FBXW7: variants seen among roughly 807,000 people sequenced by gnomAD.
FBXW7 encodes F-box/WD repeat-containing protein 7.
In FBXW7, 11 loss-of-function variants were observed where a neutral mutation model predicts 86.3. The observed-to-expected ratio is 0.13, with a 90% CI of 0.08 to 0.21. The LOEUF (loss-of-function observed/expected upper bound fraction) is 0.21. Ranked by LOEUF, FBXW7 falls within the 10% of genes least tolerant of loss-of-function variation. FBXW7 has a pLI of 1.00. For missense variants in FBXW7, 488 were observed against 847.4 expected, an observed-to-expected ratio of 0.58 and a Z score of 5.27; for synonymous variants, 313 against 297.9, an observed-to-expected ratio of 1.05 and a Z score of -0.52.
intron 4 of FBXW7, among the ~76,000 whole-genome samples, chr4:152,385,688 T>G (rs761188978): frequency 7.9e-5 from 12 of 151,524 alleles, no homozygotes; most frequent in Non-Finnish European, 1.6e-4. Context: ...AAATGTGGAG[T>G]TTTTTAGTGG....
At chr4:152,328,112 G>A in intron 11 of FBXW7, 96 bp downstream of exon 11, 2 of 944,276 alleles carry the variant, frequency 2.1e-6, no homozygotes, top group Non-Finnish European at 3.2e-6. Flanking sequence ...TAATTTAAGA[G>A]CACACTGTCA....
intron 2 of FBXW7, among the ~76,000 whole-genome samples, chr4:152,437,836 G>GT (rs1466999569): frequency 6.6e-6 from 1 of 152,132 alleles, no homozygotes; most frequent in Non-Finnish European, 1.5e-5. Flanking sequence ...TAAAATGATC[G>GT]TGACTCCCTG....
At chr4:152,377,789 C>T (rs571608146) in intron 4 of FBXW7, among the ~76,000 whole-genome samples, 33 of 148,796 alleles carry the variant, frequency 2.2e-4, no homozygotes, top group Non-Finnish European at 3.6e-4. Flanking sequence ...TGATTAGATA[C>T]GCAAAAATAA....
At chr4:152,424,210 G>A (rs956606303) in intron 2 of FBXW7, among the ~76,000 whole-genome samples, 2 of 152,040 alleles carry the variant, frequency 1.3e-5, no homozygotes, top group African/African-American at 4.8e-5. Flanking sequence ...TTCGGCAGTA[G>A]GGCCCAGTTT....
chr4:152,331,015 T>G, intron 8 of FBXW7, 147 bp from the exon 9 acceptor site: 9 of 680,276 alleles, frequency 1.3e-5, no homozygotes, highest in Non-Finnish European at 2.1e-5. Context: ...CCAATACTGT[T>G]ATCACAGTAT....
intron 2 of FBXW7, among the ~76,000 whole-genome samples, chr4:152,429,393 G>A (rs528585230): frequency 0.011 from 1,642 of 151,466 alleles, 17 homozygotes; most frequent in Non-Finnish European, 0.016. Flanking sequence ...CGGCGGGGGA[G>A]GAGAGGGGAG....
intron 8 of FBXW7, among the ~76,000 whole-genome samples, chr4:152,331,381 C>A (rs994686554): frequency 6.6e-5 from 10 of 151,984 alleles, no homozygotes; most frequent in Non-Finnish European, 1.2e-4. Flanking sequence ...GATACATATA[C>A]ACAATGGAAT....
chr4:152,486,699 C>T (rs1560957361), intron 2 of FBXW7, among the ~76,000 whole-genome samples: 2 of 148,552 alleles, frequency 1.3e-5, no homozygotes, highest in African/African-American at 4.9e-5. Context: ...TTGCAGTTAA[C>T]TTTTTTTTTT....
chr4:152,325,691 T>G (rs1238097352), intron 12 of FBXW7: 3 of 247,702 alleles, frequency 1.2e-5, no homozygotes, highest in Non-Finnish European at 2.4e-5. Flanking sequence ...AGGAGTTTCT[T>G]AAAATCCAGG....
intron 2 of FBXW7, among the ~76,000 whole-genome samples, chr4:152,525,993 C>T (rs961778940): frequency 5.9e-5 from 9 of 152,156 alleles, no homozygotes; most frequent in African/African-American, 1.9e-4. Context: ...TTATAGTAGC[C>T]ACTCTGAATA....
At chr4:152,437,702 A>G (rs547662390) in intron 2 of FBXW7, among the ~76,000 whole-genome samples, 4 of 152,218 alleles carry the variant, frequency 2.6e-5, no homozygotes, top group Non-Finnish European at 5.9e-5. Flanking sequence ...CGTTCATGAC[A>G]GGAAGAGTCA....
intron 2 of FBXW7, among the ~76,000 whole-genome samples, chr4:152,459,602 C>T (rs1742752628): frequency 6.6e-6 from 1 of 152,180 alleles, no homozygotes; most frequent in Non-Finnish European, 1.5e-5. Flanking sequence ...GCAGGAAGTA[C>T]ACTAGTCCCC....
At chr4:152,514,792 T>C (rs1307248729) in intron 2 of FBXW7, among the ~76,000 whole-genome samples, 1 of 152,160 alleles carries the variant, frequency 6.6e-6, no homozygotes, top group Admixed American at 6.6e-5. Flanking sequence ...ATGCTTCTTA[T>C]ACAACCTGCA....
chr4:152,440,738 C>A (rs941987951), intron 2 of FBXW7, among the ~76,000 whole-genome samples: 6 of 152,066 alleles, frequency 3.9e-5, no homozygotes, highest in African/African-American at 9.7e-5. Flanking sequence ...AACAAGTACA[C>A]CCATCTAGTA....
chr4:152,347,125 T>C (rs552439506), intron 5 of FBXW7, 54 bp from the exon 6 acceptor site: 1 of 1,483,592 alleles, frequency 6.7e-7, no homozygotes, highest in South Asian at 1.2e-5. Flanking sequence ...AAAACAAAAG[T>C]GAAAGCAAAG....
At chr4:152,422,464 T>C (rs1739028915) in intron 2 of FBXW7, among the ~76,000 whole-genome samples, 1 of 152,122 alleles carries the variant, frequency 6.6e-6, no homozygotes, top group African/African-American at 2.4e-5. Flanking sequence ...TCTCTGTCTC[T>C]TTCTGCTTTG....
intron 4 of FBXW7, among the ~76,000 whole-genome samples, chr4:152,371,882 C>G (rs1378217313): frequency 6.6e-6 from 1 of 151,900 alleles, no homozygotes; most frequent in African/African-American, 2.4e-5. Context: ...ACAAGTCTCT[C>G]AGAGACATGA....
intron 2 of FBXW7, among the ~76,000 whole-genome samples, chr4:152,440,309 T>C (rs1318903686): frequency 2.0e-5 from 3 of 152,182 alleles, no homozygotes; most frequent in Non-Finnish European, 4.4e-5. Context: ...CACAACACCT[T>C]TGAAATTATT....
chr4:152,355,840 G>C (rs1732325143), intron 4 of FBXW7, among the ~76,000 whole-genome samples: 1 of 152,094 alleles, frequency 6.6e-6, no homozygotes, highest in Non-Finnish European at 1.5e-5. Context: ...TGATATGTTT[G>C]CCTCTGGGGA....
Sources: allele counts gnomAD v4.1 joint callset (sites outside exome capture counted in the v4.1 genomes callset), GRCh38; gene constraint gnomAD v4.1.1; transcripts MANE v1.5; gene names NCBI Gene and HGNC (gene_info 2026-07-23, HGNC 2026-07-21).